The following TDG variants were observed in gnomAD, a reference collection of about 807,000 sequenced individuals.
The protein encoded by TDG is thymine DNA glycosylase, also known as G/T mismatch-specific thymine DNA glycosylase.
Under a neutral mutation model 46.1 loss-of-function variants are expected in TDG, and 23 were observed. That is an observed-to-expected ratio of 0.50 (90% CI 0.36 to 0.71). The LOEUF (loss-of-function observed/expected upper bound fraction) is 0.71, where lower values mean the gene tolerates loss of function less well. Ranked by LOEUF, TDG falls within the 30% of genes least tolerant of loss-of-function variation. The probability of loss-of-function intolerance (pLI) is 0.00; values close to 1 mark genes in which losing one functional copy is unlikely to be tolerated. For missense variants in TDG, 304 were observed against 486.7 expected, an observed-to-expected ratio of 0.62 and a Z score of 3.53; for synonymous variants, 115 against 161.3, an observed-to-expected ratio of 0.71 and a Z score of 2.18.
intron 1 of TDG, chr12:103,972,935 GTC>G: frequency 1.4e-6 from 1 of 695,652 alleles, no homozygotes; most frequent in Admixed American, 2.1e-5. Flanking sequence ...TGTGAACGGT[GTC>G]TCCCTAATTT....
intron 1 of TDG, among the ~76,000 whole-genome samples, chr12:103,966,565 A>G (rs982560514): frequency 6.6e-6 from 1 of 152,150 alleles, no homozygotes; most frequent in East Asian, 1.9e-4. Context: ...GGGCATATGT[A>G]TACACTCTCG....
chr12:103,973,143 G>A (rs1467575869), intron 1 of TDG: 3 of 648,042 alleles, frequency 4.6e-6, no homozygotes, highest in Non-Finnish European at 8.3e-6. Context: ...GGAGTGCAAT[G>A]GCATCATCTC....
In TDG at chr12:103,988,535, A is replaced by G. The variant is rs1872315813; in HGVS notation, c.*1445A>G. 1 of 152,764 alleles carries G rather than the reference A, an allele frequency of 6.5e-6. No homozygotes were observed. Among genetic ancestry groups the G allele is most frequent in the Non-Finnish European group, 1.5e-5 (1 of 68,086 alleles). 9.5% of individuals were successfully genotyped at this position (152,764 alleles called of 1,614,324 possible). The stretch of plus-strand genomic sequence containing the variant: ...TGCTTTGAAGTGCCTTGCATCAGGG[A>G]TTAGGAGCAATTAAATTATTTTTTC... On this transcript the variant is annotated 3_prime_UTR_variant, in exon 10 of 10. Transcript: ENST00000392872.
chr12:103,980,959 T>C lies in TDG; in HGVS notation c.475T>C (p.Phe159Leu), dbSNP rs1263775388. Residue 159 changes from phenylalanine (F) to leucine (L), a missense_variant, in exon 4 of 10, where the codon TTT becomes CTT. Coordinates refer to ENST00000392872, the MANE Select transcript of TDG (RefSeq NM_003211.6). ...TCATTACCCTGGACCTGGAAACCAT[T>C]TTTGTAAGTGGTTACCTTTTAAATT... ...GHHYPGPGNH[F>L]WKCLFMSGLS... 1 of 1,612,534 alleles carries C rather than the reference T, an allele frequency of 6.2e-7. No individual in the cohort carries two copies. Among genetic ancestry groups the C allele is most frequent in the Non-Finnish European group, 8.5e-7 (1 of 1,179,720 alleles).
At chr12:103,970,237 G>A (rs1871232288) in intron 1 of TDG, among the ~76,000 whole-genome samples, 1 of 152,140 alleles carries the variant, frequency 6.6e-6, no homozygotes, top group Non-Finnish European at 1.5e-5. Flanking sequence ...CAGCACTTTG[G>A]GAGGCCAAGG....
At chr12:103,973,082 A>T in intron 1 of TDG, 1 of 396,004 alleles carries the variant, frequency 2.5e-6, no homozygotes, top group Non-Finnish European at 4.2e-6. Flanking sequence ...AACACGTTTC[A>T]TACATTTTTT....
intron 8 of TDG, among the ~76,000 whole-genome samples, 197 bp from the exon 9 acceptor site, chr12:103,985,406 C>T (rs897990856): frequency 1.3e-5 from 2 of 152,000 alleles, no homozygotes; most frequent in Admixed American, 6.6e-5. Context: ...TTGTACCCTA[C>T]GTAAAGTTGA....
At chr12:103,976,701 A>G (rs3751208) in intron 1 of TDG, among the ~76,000 whole-genome samples, 12,797 of 152,212 alleles carry the variant, frequency 0.084, 824 homozygotes, top group East Asian at 0.31. Flanking sequence ...TCATTTAAAC[A>G]GTGCAAGAGT....
At chr12:103,980,783 A>G in intron 3 of TDG, 110 bp from the exon 4 acceptor site, 1 of 862,680 alleles carries the variant, frequency 1.2e-6, no homozygotes, top group Non-Finnish European at 1.9e-6. Context: ...ATGATGCTGA[A>G]TTAAATTTGT....
intron 3 of TDG, chr12:103,980,674 T>C (rs960847807): frequency 9.1e-6 from 4 of 438,774 alleles, no homozygotes; most frequent in African/African-American, 4.0e-5. Flanking sequence ...ACTGGTTTTT[T>C]AAAATAACAG....
intron 4 of TDG, 111 bp downstream of exon 4, chr12:103,981,073 A>G (rs1871798608): frequency 2.2e-6 from 2 of 891,198 alleles, no homozygotes; most frequent in Non-Finnish European, 3.5e-6. Context: ...GTAAATACAC[A>G]TTCGTGTTTC....
chr12:103,985,246 A>C (rs1872082322), intron 8 of TDG, among the ~76,000 whole-genome samples: 1 of 151,956 alleles, frequency 6.6e-6, no homozygotes, highest in East Asian at 1.9e-4. Context: ...AAGCAGGAAA[A>C]AAGAAAACAA....
At chr12:103,980,652 T>C in intron 3 of TDG, 1 of 397,872 alleles carries the variant, frequency 2.5e-6, no homozygotes, top group South Asian at 4.0e-5. Flanking sequence ...CCTGGGATCA[T>C]AAAGGAGTCA....
intron 9 of TDG, chr12:103,986,290 T>C (rs1435595362): frequency 6.6e-6 from 1 of 152,086 alleles, no homozygotes; most frequent in Non-Finnish European, 1.5e-5. Flanking sequence ...TAATAACAAA[T>C]GAGTCCTGTA....
chr12:103,983,048 A>G lies in TDG; in HGVS notation c.615-88A>G, dbSNP rs1871936901. 3 of 1,556,294 alleles carry G rather than the reference A, an allele frequency of 1.9e-6. No homozygotes were observed. The South Asian group carries it at 3.7e-5, about 19-fold the overall frequency. ...AAGCTGAGCTCAACAAATGTACAATATGCTCTTTCATTGAAAGCTGTCTGA... is the reference window on the plus strand; with the variant it reads ...AAGCTGAGCTCAACAAATGTACAATGTGCTCTTTCATTGAAAGCTGTCTGA... On this transcript the variant is annotated intron_variant, in intron 5 of 9. Transcript: ENST00000392872.
intron 9 of TDG, chr12:103,986,662 G>A (rs979565813): frequency 2.0e-5 from 5 of 250,578 alleles, no homozygotes; most frequent in Admixed American, 4.6e-5. Context: ...GTAGTGAGCC[G>A]AAATCACACC....
At chr12:103,972,744 A>T (rs1871339400) in intron 1 of TDG, among the ~76,000 whole-genome samples, 1 of 152,214 alleles carries the variant, frequency 6.6e-6, no homozygotes, top group South Asian at 2.1e-4. Flanking sequence ...AACTTGATAT[A>T]CCTAATATAA....
intron 1 of TDG, among the ~76,000 whole-genome samples, chr12:103,972,574 C>T (rs1174857057): frequency 6.6e-6 from 1 of 152,156 alleles, no homozygotes; most frequent in Non-Finnish European, 1.5e-5. Context: ...AAGTTTAATG[C>T]TCGAAGATAG....
intron 2 of TDG, 88 bp from the exon 3 acceptor site, chr12:103,979,743 A>AGGTGCTAGTTGGGTAACTTTTCTG: frequency 6.8e-7 from 1 of 1,472,178 alleles, no homozygotes; most frequent in Non-Finnish European, 9.1e-7. Context: ...CAGGTACAAA[A>AGGTGCTAGTTGGGTAACTTTTCTG]GGTGCTAGTT....
Sources: allele counts gnomAD v4.1 joint callset (sites outside exome capture counted in the v4.1 genomes callset), GRCh38; gene constraint gnomAD v4.1.1; transcripts MANE v1.5; gene names NCBI Gene and HGNC (gene_info 2026-07-23, HGNC 2026-07-21).